Variants in COL26A1 observed in about 807,000 individuals in gnomAD.
COL26A1 encodes the protein collagen alpha-1(XXVI) chain.
A neutral mutation model predicts 59.3 loss-of-function variants in COL26A1; 41 were observed. That is an observed-to-expected ratio of 0.69 (90% CI 0.54 to 0.90). The LOEUF (loss-of-function observed/expected upper bound fraction) is 0.90, where lower values mean the gene tolerates loss of function less well. Ranked by LOEUF, COL26A1 falls within the 40% of genes least tolerant of loss-of-function variation. The pLI, the probability that COL26A1 is intolerant of heterozygous loss-of-function variation, is 0.00. For missense variants in COL26A1, 612 were observed against 602.3 expected (o/e 1.02, Z -0.17); for synonymous variants, 266 against 256.0 (o/e 1.04, Z -0.37).
intron 1 of COL26A1, among the ~76,000 whole-genome samples, chr7:101,375,591 T>C (rs536340334): frequency 2.1e-4 from 31 of 151,198 alleles, no homozygotes; most frequent in Non-Finnish European, 3.4e-4. Flanking sequence ...TCTCAGCTAC[T>C]TGGGAGGGGA....
At chr7:101,404,037 T>C (rs1792073247) in intron 1 of COL26A1, among the ~76,000 whole-genome samples, 2 of 152,258 alleles carry the variant, frequency 1.3e-5, no homozygotes, top group Middle Eastern at 3.4e-3. Flanking sequence ...GATGTTGCAG[T>C]GAGCCAAGAT....
In COL26A1 at chr7:101,476,142, TTGTGTGTG is replaced by T. The variant is rs56666965; in HGVS notation, c.385+28384_385+28391del. On this transcript the variant is annotated intron_variant, in intron 3 of 12. Transcript: ENST00000313669. Reference sequence around the variant, plus strand: ...GGTGCATGCCACCACTCCCAGCTAATTGTGTGTGTGTGTGTGTGTGTGTGTGTGTGTGT... The same window carrying T: ...GGTGCATGCCACCACTCCCAGCTAATTGTGTGTGTGTGTGTGTGTGTGTGT... 3.2e-3 allele frequency among the ~76,000 whole-genome samples: 465 copies of T among 146,338 alleles called. 2 individuals are homozygous for T. Among genetic ancestry groups the T allele is most frequent in the African/African-American group, 0.011 (440 of 39,680 alleles).
At chr7:101,445,767 G>A (rs1203870266) in intron 2 of COL26A1, among the ~76,000 whole-genome samples, 2 of 140,926 alleles carry the variant, frequency 1.4e-5, no homozygotes, top group Admixed American at 7.3e-5. Flanking sequence ...GAGTGAGGGG[G>A]CACCAGGCGC....
At chr7:101,367,102 C>T (rs1156787516) in intron 1 of COL26A1, among the ~76,000 whole-genome samples, 1 of 152,136 alleles carries the variant, frequency 6.6e-6, no homozygotes, top group Non-Finnish European at 1.5e-5. Flanking sequence ...TGTATCTCTT[C>T]TATTTTGGAA....
In COL26A1 at chr7:101,449,995, G is replaced by A. The variant is rs570535275; in HGVS notation, c.385+2208G>A. On this transcript the variant is annotated intron_variant, in intron 3 of 12. Coordinates refer to ENST00000313669, the MANE Select transcript of COL26A1 (RefSeq NM_001278563.3). ...AAAAATTAGCCGGGCATAGTGGTGG[G>A]CGCCTGTAATCCCAGCTACTTGGGA... 2.6e-5 allele frequency among the ~76,000 whole-genome samples: 4 copies of A among 151,694 alleles called. No homozygotes were observed. The South Asian group carries it at 8.4e-4, about 32-fold the overall frequency.
chr7:101,462,909 G>A (rs1251424721), intron 3 of COL26A1, among the ~76,000 whole-genome samples: 3 of 152,186 alleles, frequency 2.0e-5, no homozygotes, highest in Non-Finnish European at 2.9e-5. Context: ...ACCTTGCAGA[G>A]TGATGGGGCC....
At chr7:101,506,518 C>T (rs114692424) in intron 3 of COL26A1, among the ~76,000 whole-genome samples, 3 of 152,234 alleles carry the variant, frequency 2.0e-5, no homozygotes, top group Non-Finnish European at 2.9e-5. Flanking sequence ...CTCCAGGGAG[C>T]TGAGAGGGGC....
chr7:101,419,502 C>T (rs1030775418), intron 1 of COL26A1, among the ~76,000 whole-genome samples: 1 of 152,124 alleles, frequency 6.6e-6, no homozygotes, highest in Admixed American at 6.6e-5. Context: ...CTGCTGGCTT[C>T]GTCCCCTCTC....
intron 3 of COL26A1, among the ~76,000 whole-genome samples, chr7:101,451,056 A>G (rs1034112724): frequency 6.9e-6 from 1 of 144,078 alleles, no homozygotes; most frequent in Non-Finnish European, 1.5e-5. Flanking sequence ...ATAATAATTA[A>G]TATATATTCC....
At chr7:101,459,720 C>G (rs17468869) in intron 3 of COL26A1, among the ~76,000 whole-genome samples, 66,645 of 151,734 alleles carry the variant, frequency 0.44, 15,428 homozygotes, top group Middle Eastern at 0.54. Context: ...GAGATGATAA[C>G]TTTATTCTGA....
intron 2 of COL26A1, among the ~76,000 whole-genome samples, chr7:101,433,499 C>T (rs767023218): frequency 6.6e-6 from 1 of 151,970 alleles, no homozygotes; most frequent in Non-Finnish European, 1.5e-5. Flanking sequence ...GAGGGTGGAA[C>T]AGAGAATGCA....
In COL26A1 at chr7:101,387,766, A is replaced by T. The variant is rs1396161037; in HGVS notation, c.158+24576A>T. On this transcript the variant is annotated intron_variant, in intron 1 of 12. Transcript: ENST00000313669. Reference sequence around the variant, plus strand: ...TATATATATATATTTATATATATATATATATATATATATTTTTTTTTAAGA... The same window carrying T: ...TATATATATATATTTATATATATATTTATATATATATATTTTTTTTTAAGA... 7.3e-3 allele frequency among the ~76,000 whole-genome samples: 284 copies of T among 38,642 alleles called. 2 individuals carry two copies. The highest frequency in any genetic ancestry group is 0.016 in the East Asian group (24 of 1,486). 25.4% of individuals were successfully genotyped at this position (38,642 alleles called of 152,430 possible).
chr7:101,374,031 T>G lies in COL26A1; in HGVS notation c.158+10841T>G, dbSNP rs1791252305. ...GGCAGGGGAAAAGAGCAACAATAAC[T>G]AACTGTTAGAGGATTTTCGGGAATG... is the stretch of plus-strand genomic sequence containing the variant. On this transcript the variant is annotated intron_variant, in intron 1 of 12. Transcript: ENST00000313669. 3.9e-5 allele frequency among the ~76,000 whole-genome samples: 6 copies of G among 152,222 alleles called. No homozygotes were observed. In the South Asian group the frequency reaches 1.2e-3, roughly 32 times the overall value.
chr7:101,450,546 G>T (rs1793305853), intron 3 of COL26A1, among the ~76,000 whole-genome samples: 1 of 151,942 alleles, frequency 6.6e-6, no homozygotes, highest in African/African-American at 2.4e-5. Flanking sequence ...CATTCCAAGG[G>T]CTTCCAAATA....
chr7:101,494,730 G>T (rs1323397807), intron 3 of COL26A1, among the ~76,000 whole-genome samples: 1 of 152,208 alleles, frequency 6.6e-6, no homozygotes, highest in South Asian at 2.1e-4. Flanking sequence ...ACAGCAGGGG[G>T]CCCAGCCCGC....
intron 11 of COL26A1, 76 bp downstream of exon 11, chr7:101,553,452 C>T: frequency 6.9e-7 from 1 of 1,440,386 alleles, no homozygotes; most frequent in South Asian, 1.2e-5. Flanking sequence ...AGGTGCCCCA[C>T]AGATCTGCGC....
intron 3 of COL26A1, among the ~76,000 whole-genome samples, chr7:101,466,728 G>C (rs1160547961): frequency 6.6e-6 from 1 of 151,044 alleles, no homozygotes; most frequent in Non-Finnish European, 1.5e-5. Flanking sequence ...ACTGATTTTT[G>C]TATTTTCCCC....
At chr7:101,434,656 CTA>C (rs1792873530) in intron 2 of COL26A1, among the ~76,000 whole-genome samples, 1 of 151,938 alleles carries the variant, frequency 6.6e-6, no homozygotes, top group Non-Finnish European at 1.5e-5. Context: ...CTAACGCTCA[CTA>C]GTGAGCATGG....
At chr7:101,515,143 C>T (rs1584477941) in intron 3 of COL26A1, among the ~76,000 whole-genome samples, 1 of 152,334 alleles carries the variant, frequency 6.6e-6, no homozygotes, top group East Asian at 1.9e-4. Context: ...ACAAGGCAGA[C>T]AAGAGCCCCA....
Sources: allele counts gnomAD v4.1 joint callset (sites outside exome capture counted in the v4.1 genomes callset), GRCh38; gene constraint gnomAD v4.1.1; transcripts MANE v1.5; gene names NCBI Gene and HGNC (gene_info 2026-07-23, HGNC 2026-07-21).